DPF3: variants seen among roughly 807,000 people sequenced by gnomAD.
DPF3 encodes double PHD fingers 3.
DPF3 carries 18 observed loss-of-function variants against 56.8 expected under a neutral mutation model. The observed-to-expected ratio is 0.32, with a 90% CI of 0.22 to 0.47. The LOEUF (loss-of-function observed/expected upper bound fraction) is 0.47. Among genes scored for constraint, DPF3 ranks in the 20% least tolerant of loss-of-function variants. The pLI is 1.00. For synonymous variants in DPF3, 188 were observed against 180.2 expected, an observed-to-expected ratio of 1.04 and a Z score of -0.35; for missense variants, 403 against 488.8, an observed-to-expected ratio of 0.82 and a Z score of 1.65.
At chr14:72,807,328 G>T (rs1472179291) in intron 1 of DPF3, among the ~76,000 whole-genome samples, 2 of 152,206 alleles carry the variant, frequency 1.3e-5, no homozygotes, top group Non-Finnish European at 2.9e-5. Flanking sequence ...AAGATTTGAT[G>T]AATTAACACT....
rs150077791 is a variant in DPF3 at position 72,826,676 on chromosome 14, G to A, written c.33-54783C>T. 3.0e-3 allele frequency among the ~76,000 whole-genome samples: 457 copies of A among 152,304 alleles called. 4 individuals carry two copies. Among genetic ancestry groups the A allele is most frequent in the African/African-American group, 0.011 (437 of 41,556 alleles). On this transcript the variant is annotated intron_variant, in intron 1 of 10. Transcript: ENST00000556509. ...TATGTGCAAGGCATCTGCAGAGGGT[G>A]CAAAAATATACAAAGAAAATACCTG... is the stretch of plus-strand genomic sequence containing the variant.
rs889361039 is a variant in DPF3, at chr14:72,619,384, G to A, written c.1067-17C>T. 18 of 1,535,962 alleles carry A rather than the reference G, an allele frequency of 1.2e-5. No homozygotes were observed. Among genetic ancestry groups the A allele is most frequent in the Admixed American group, 9.8e-5 (5 of 50,992 alleles). ...TCCAGCTTCCTGCAAGAAATGAGACGGCTTTAGTAGCAGCCCCTCTGCTAA... is the reference window on the plus strand; with the variant it reads ...TCCAGCTTCCTGCAAGAAATGAGACAGCTTTAGTAGCAGCCCCTCTGCTAA... On this transcript the variant is annotated splice_polypyrimidine_tract_variant and intron_variant, in intron 10 of 10. Coordinates refer to ENST00000556509, the MANE Select transcript of DPF3 (RefSeq NM_001280542.3).
chr14:72,787,405 C>T (rs946935442), intron 1 of DPF3, among the ~76,000 whole-genome samples: 2 of 152,192 alleles, frequency 1.3e-5, no homozygotes, highest in African/African-American at 4.8e-5. Flanking sequence ...AGGTCTCCCA[C>T]GTCAAATGGA....
intron 1 of DPF3, among the ~76,000 whole-genome samples, chr14:72,827,001 C>CA (rs1310702623): frequency 6.7e-6 from 1 of 150,202 alleles, no homozygotes; most frequent in Non-Finnish European, 1.5e-5. Context: ...AAGATTGTGC[C>CA]ACTGCACTCC....
intron 3 of DPF3, among the ~76,000 whole-genome samples, chr14:72,734,115 G>T (rs958439260): frequency 6.6e-6 from 1 of 152,200 alleles, no homozygotes; most frequent in Non-Finnish European, 1.5e-5. Flanking sequence ...TAGGGACATA[G>T]GAGGTGAACC....
chr14:72,869,720 A>G (rs951658344), intron 1 of DPF3, among the ~76,000 whole-genome samples: 22 of 152,132 alleles, frequency 1.4e-4, no homozygotes, highest in African/African-American at 5.3e-4. Context: ...CAACCTCCTC[A>G]ATCCCCTTCT....
At chr14:72,632,427 G>A (rs986927852) in intron 8 of DPF3, among the ~76,000 whole-genome samples, 1 of 152,062 alleles carries the variant, frequency 6.6e-6, no homozygotes, top group African/African-American at 2.4e-5. Context: ...ACTGAGTGAC[G>A]AGCTCAAGGA....
Position 72,714,438 on chromosome 14 carries a change from G to T in DPF3, c.589C>A (p.Pro197Thr). 6.2e-7 allele frequency: 1 copy of T among 1,613,928 alleles called. No individual in the cohort carries two copies. The highest frequency in any genetic ancestry group is 1.7e-5 in the Admixed American group (1 of 60,024). ...CCATACTTACTGTCACAGACGTAAG[G>T]TTTGTCGTGGTCTTCCTGAGAGGCG... ...DAASQEDHDK[P>T]YVCDICGKRY... The change falls in exon 6 of 11, where the codon CCT becomes ACT. Residue 197 changes from proline to threonine, a missense_variant. By Grantham distance (38) the Pro-to-Thr change is conservative (BLOSUM62 -1). Transcript: ENST00000556509.
chr14:72,875,232 C>T (rs1202130227), intron 1 of DPF3, among the ~76,000 whole-genome samples: 1 of 152,118 alleles, frequency 6.6e-6, no homozygotes, highest in Non-Finnish European at 1.5e-5. Context: ...CACAGCCAAA[C>T]CATATCACTA....
chr14:72,731,629 GA>G, intron 4 of DPF3, 177 bp downstream of exon 4: 1 of 798,614 alleles, frequency 1.3e-6, no homozygotes, highest in Non-Finnish European at 2.0e-6. Flanking sequence ...GACTCCTTCG[GA>G]AGATAGGTTA....
At position 72,681,794 on chromosome 14, in the gene DPF3, C is replaced by G. The variant is rs1256685195; in HGVS notation, c.743-7426G>C. ...AACAATTTGCCAGCAGTGTGTGCAC[C>G]ATGTCACCAGCTCTGGGGCTAGATG... On this transcript the variant is annotated intron_variant, in intron 7 of 10. Coordinates refer to ENST00000556509, the MANE Select transcript of DPF3 (RefSeq NM_001280542.3). Among the ~76,000 whole-genome samples the G allele has an allele frequency of 3.3e-5, 5 of 152,312 alleles. No individual in the cohort carries two copies. The East Asian group carries it at 9.6e-4, about 29-fold the overall frequency.
At chr14:72,870,028 C>T (rs1411439255) in intron 1 of DPF3, among the ~76,000 whole-genome samples, 1 of 152,118 alleles carries the variant, frequency 6.6e-6, no homozygotes, top group Non-Finnish European at 1.5e-5. Flanking sequence ...TCTGACTCGG[C>T]TATTGAGTCC....
intron 8 of DPF3, among the ~76,000 whole-genome samples, chr14:72,671,888 A>G (rs996144856): frequency 3.3e-5 from 5 of 152,070 alleles, no homozygotes; most frequent in African/African-American, 1.2e-4. Context: ...TTCTCCCCTT[A>G]CGCCATGTCG....
intron 8 of DPF3, among the ~76,000 whole-genome samples, chr14:72,654,264 T>C (rs1226070133): frequency 6.6e-6 from 1 of 151,876 alleles, no homozygotes; most frequent in Non-Finnish European, 1.5e-5. Context: ...CTGGGCCCAT[T>C]CACACCTCTG....
intron 6 of DPF3, among the ~76,000 whole-genome samples, chr14:72,708,697 T>C (rs947366412): frequency 6.6e-6 from 1 of 152,152 alleles, no homozygotes; most frequent in Non-Finnish European, 1.5e-5. Context: ...TCAAGCAGAT[T>C]TTCTGGGACT....
At chr14:72,790,288 A>G (rs1338585584) in intron 1 of DPF3, among the ~76,000 whole-genome samples, 2 of 152,154 alleles carry the variant, frequency 1.3e-5, no homozygotes, top group African/African-American at 4.8e-5. Flanking sequence ...TGCTTTTCTC[A>G]ATAGATATAA....
intron 6 of DPF3, among the ~76,000 whole-genome samples, chr14:72,701,534 C>T (rs1159456254): frequency 1.3e-5 from 2 of 152,140 alleles, no homozygotes; most frequent in Non-Finnish European, 2.9e-5. Flanking sequence ...TACCCCACTC[C>T]TAGTCTGGGC....
chr14:72,632,712 GGAAGGGAAGGAAGGGAAA>G lies in DPF3; in HGVS notation c.872-2994_872-2977del, dbSNP rs1202757754. 7.4e-4 allele frequency among the ~76,000 whole-genome samples: 75 copies of G among 101,738 alleles called. 1 individual carries two copies. The highest frequency in any genetic ancestry group is 0.011 in the Middle Eastern group (2 of 178). The allele number at this position is 101,738 out of a possible 152,430, so 66.7% of individuals were successfully genotyped here. ...AAGAGATGAAAGGGACAGAAGGGAA[GGAAGGGAAGGAAGGGAAA>G]GAAGGGAAGGAGGGAAGGATGGAGG... is the stretch of plus-strand genomic sequence containing the variant. On this transcript the variant is annotated intron_variant, in intron 8 of 10. Coordinates refer to ENST00000556509, the MANE Select transcript of DPF3 (RefSeq NM_001280542.3).
At chr14:72,879,612 G>A (rs905938008) in intron 1 of DPF3, among the ~76,000 whole-genome samples, 21 of 152,210 alleles carry the variant, frequency 1.4e-4, no homozygotes, top group Non-Finnish European at 2.2e-4. Flanking sequence ...CATCAAGTGC[G>A]CCCAGGGACA....
Sources: allele counts gnomAD v4.1 joint callset (sites outside exome capture counted in the v4.1 genomes callset), GRCh38; gene constraint gnomAD v4.1.1; transcripts MANE v1.5; gene names NCBI Gene and HGNC (gene_info 2026-07-23, HGNC 2026-07-21).